Variants in SLC25A21 observed in about 807,000 individuals in gnomAD.
SLC25A21 encodes the protein mitochondrial 2-oxodicarboxylate carrier.
Under a neutral mutation model 43.8 loss-of-function variants are expected in SLC25A21, and 47 were observed. The ratio of observed to expected loss-of-function variants is 1.07; its 90% CI spans 0.85 to 1.37. SLC25A21 has a LOEUF of 1.37. SLC25A21 is among the 40% of genes most tolerant of loss of function. The probability of loss-of-function intolerance (pLI) is 0.00; values close to 1 mark genes in which losing one functional copy is unlikely to be tolerated. For synonymous variants in SLC25A21, 131 were observed against 121.3 expected (o/e 1.08, Z -0.52); for missense variants, 352 against 350.2 (o/e 1.00, Z -0.04).
At chr14:36,887,532 C>T (rs1489572033) in intron 1 of SLC25A21, among the ~76,000 whole-genome samples, 1 of 145,384 alleles carries the variant, frequency 6.9e-6, no homozygotes, top group Non-Finnish European at 1.5e-5. Context: ...CACTGCACTC[C>T]AGCCTGGGCA....
intron 7 of SLC25A21, among the ~76,000 whole-genome samples, chr14:36,708,807 C>G (rs75600478): frequency 0.047 from 6,705 of 142,988 alleles, 514 homozygotes; most frequent in African/African-American, 0.16. Context: ...CCTGTCTCAA[C>G]TCTTGGCCTC....
chr14:37,098,644 T>C (rs1429043950), intron 1 of SLC25A21: 3 of 152,116 alleles, frequency 2.0e-5, no homozygotes, highest in Non-Finnish European at 4.4e-5. Context: ...AAAGATGATT[T>C]GCTATTTCCT....
intron 1 of SLC25A21, among the ~76,000 whole-genome samples, chr14:36,958,679 G>GCACACACA (rs71124786): frequency 0.014 from 1,869 of 136,928 alleles, 21 homozygotes; most frequent in South Asian, 0.054. Flanking sequence ...AAGCACACGT[G>GCACACACA]CACACACACA....
chr14:36,859,154 T>C (rs1159010936), intron 2 of SLC25A21, among the ~76,000 whole-genome samples: 1 of 152,212 alleles, frequency 6.6e-6, no homozygotes, highest in Non-Finnish European at 1.5e-5. Flanking sequence ...TTGACACCGC[T>C]ACTCTGCTAA....
intron 3 of SLC25A21, among the ~76,000 whole-genome samples, chr14:36,742,608 CATA>C (rs1247203761): frequency 6.6e-6 from 1 of 152,112 alleles, no homozygotes; most frequent in Non-Finnish European, 1.5e-5. Flanking sequence ...GGGAAAACCA[CATA>C]TCTTTTAGAG....
chr14:37,029,458 C>T (rs575899348), intron 1 of SLC25A21, among the ~76,000 whole-genome samples: 24 of 152,172 alleles, frequency 1.6e-4, no homozygotes, highest in Admixed American at 5.9e-4. Flanking sequence ...AATTTTACAA[C>T]GAAAGCTGGG....
intron 1 of SLC25A21, among the ~76,000 whole-genome samples, chr14:37,005,263 A>C (rs1960575984): frequency 6.6e-6 from 1 of 151,866 alleles, no homozygotes; most frequent in Non-Finnish European, 1.5e-5. Flanking sequence ...AAGTCAGAGA[A>C]ACAAGCCCTT....
chr14:36,700,362 A>G (rs921019965), intron 7 of SLC25A21, among the ~76,000 whole-genome samples: 2 of 152,228 alleles, frequency 1.3e-5, no homozygotes, highest in African/African-American at 4.8e-5. Flanking sequence ...CATTTGATCA[A>G]TGAAAAACTG....
At chr14:37,029,758 C>CTTTTTTTTTTTTTTT (rs57538608) in intron 1 of SLC25A21, among the ~76,000 whole-genome samples, 2 of 106,272 alleles carry the variant, frequency 1.9e-5, no homozygotes, top group African/African-American at 4.3e-5. Flanking sequence ...TAATAGCCGA[C>CTTTTTTTTTTTTTTT]TTTTTTTTTT....
intron 1 of SLC25A21, among the ~76,000 whole-genome samples, chr14:37,112,103 T>C (rs1432299182): frequency 2.0e-5 from 3 of 152,314 alleles, no homozygotes; most frequent in Non-Finnish European, 4.4e-5. Context: ...CCCTCTCTCC[T>C]TCCTTCCTTT....
chr14:36,875,728 G>A (rs1292907381), intron 1 of SLC25A21, among the ~76,000 whole-genome samples: 2 of 152,056 alleles, frequency 1.3e-5, no homozygotes, highest in African/African-American at 4.8e-5. Context: ...TTCCCATAAA[G>A]CCCTGATCTT....
In SLC25A21 at chr14:36,924,503, A is replaced by T. The variant is rs112636203; in HGVS notation, c.71-49499T>A. On this transcript the variant is annotated intron_variant, in intron 1 of 9. Transcript: ENST00000331299. ...AGAACATTTGGACACAGGGTGGGGA[A>T]CATCACACACTGGGGCCTGTTGTGG... Among the ~76,000 whole-genome samples the T allele has an allele frequency of 9.3e-3, 1,411 of 152,006 alleles. 32 individuals carry two copies. Among genetic ancestry groups the T allele is most frequent in the African/African-American group, 0.032 (1,312 of 41,472 alleles).
intron 3 of SLC25A21, among the ~76,000 whole-genome samples, chr14:36,777,149 T>C (rs1050631935): frequency 1.2e-4 from 18 of 152,070 alleles, no homozygotes; most frequent in African/African-American, 4.1e-4. Context: ...TCCCAGCTAC[T>C]TGGGAGGCTG....
At chr14:36,939,869 G>A (rs974491979) in intron 1 of SLC25A21, among the ~76,000 whole-genome samples, 3 of 152,040 alleles carry the variant, frequency 2.0e-5, no homozygotes, top group African/African-American at 2.4e-5. Context: ...TAGTCACTGC[G>A]AATGTGAACT....
chr14:36,806,204 C>CT (rs948534774), intron 3 of SLC25A21, among the ~76,000 whole-genome samples: 181 of 151,556 alleles, frequency 1.2e-3, no homozygotes, highest in African/African-American at 4.2e-3. Flanking sequence ...GGTGAGAGAG[C>CT]TTTTTTTATT....
Position 36,887,211 on chromosome 14 carries a change from C to CATATAT in SLC25A21, c.71-12213_71-12208dup, listed in dbSNP as rs3985278. Among the ~76,000 whole-genome samples the CATATAT allele has an allele frequency of 7.0e-3, 1,038 of 148,692 alleles. 8 individuals carry two copies. The highest frequency in any genetic ancestry group is 0.024 in the African/African-American group (979 of 40,424). On this transcript the variant is annotated intron_variant, in intron 1 of 9. Coordinates refer to ENST00000331299, the MANE Select transcript of SLC25A21 (RefSeq NM_030631.4). ...TGTAATGCATGCACATGTGTGTCTACATATATATATATATATATATTCATT... is the reference window on the plus strand; with the variant it reads ...TGTAATGCATGCACATGTGTGTCTACATATATATATATATATATATATATATTCATT...
At chr14:36,711,526 T>G (rs1166818952) in intron 6 of SLC25A21, 44 bp from the exon 7 acceptor site, 2 of 1,577,148 alleles carry the variant, frequency 1.3e-6, no homozygotes, top group Admixed American at 3.8e-5. Context: ...TCTTTGGGAC[T>G]GTGGAATACA....
At chr14:36,971,448 G>T (rs1268364100) in intron 1 of SLC25A21, among the ~76,000 whole-genome samples, 1 of 152,104 alleles carries the variant, frequency 6.6e-6, no homozygotes, top group Admixed American at 6.5e-5. Flanking sequence ...CAAGTAGAAA[G>T]CCCATTTGCA....
chr14:36,930,486 T>G (rs1892257044), intron 1 of SLC25A21, among the ~76,000 whole-genome samples: 1 of 152,110 alleles, frequency 6.6e-6, no homozygotes, highest in African/African-American at 2.4e-5. Flanking sequence ...TAACCTCTCT[T>G]AATTCTAGCC....
Sources: gnomAD v4.1 joint callset for allele counts (sites outside exome capture counted in the v4.1 genomes callset) on GRCh38, gnomAD v4.1.1 for gene constraint, MANE v1.5 for transcripts, NCBI Gene and HGNC (gene_info 2026-07-23, HGNC 2026-07-21) for gene names.